Variants in NPAS2 observed in about 807,000 individuals in gnomAD.
NPAS2 encodes the protein neuronal PAS domain-containing protein 2.
Under a neutral mutation model 107.5 loss-of-function variants are expected in NPAS2, and 23 were observed. That is an observed-to-expected ratio of 0.21 (90% CI 0.15 to 0.30). The LOEUF is 0.30. NPAS2 is among the 10% of genes least tolerant of loss of function. The pLI, the probability that NPAS2 is intolerant of heterozygous loss-of-function variation, is 1.00. For synonymous variants in NPAS2, 403 were observed against 417.5 expected, an observed-to-expected ratio of 0.97 and a Z score of 0.42; for missense variants, 756 against 1,043.3, an observed-to-expected ratio of 0.72 and a Z score of 3.79.
At chr2:100,935,724 C>T (rs545970387) in intron 4 of NPAS2, among the ~76,000 whole-genome samples, 1 of 152,308 alleles carries the variant, frequency 6.6e-6, no homozygotes, top group South Asian at 2.1e-4. Flanking sequence ...AAAAGTCTCA[C>T]TGATGTCATC....
At chr2:100,978,563 T>G (rs976125467) in intron 15 of NPAS2, among the ~76,000 whole-genome samples, 26 of 152,126 alleles carry the variant, frequency 1.7e-4, no homozygotes, top group Non-Finnish European at 2.9e-5. Flanking sequence ...AAGAAAAGGA[T>G]TACGGCTTTG....
chr2:100,863,665 G>A (rs1215186837), intron 1 of NPAS2, among the ~76,000 whole-genome samples: 2 of 152,172 alleles, frequency 1.3e-5, no homozygotes, highest in Non-Finnish European at 2.9e-5. Flanking sequence ...AAATGCTAAC[G>A]AGTTGCATCC....
chr2:100,852,597 T>G (rs901072013), intron 1 of NPAS2, among the ~76,000 whole-genome samples: 2 of 152,014 alleles, frequency 1.3e-5, no homozygotes, highest in Non-Finnish European at 2.9e-5. Context: ...AAACCTGTCC[T>G]TGTCTAGCTA....
chr2:100,912,201 G>A (rs190244302), intron 2 of NPAS2, among the ~76,000 whole-genome samples: 69 of 151,118 alleles, frequency 4.6e-4, no homozygotes, highest in African/African-American at 1.5e-3. Context: ...CTTCTAGAAA[G>A]GTTCAGTTTG....
At chr2:100,862,003 A>G (rs1452758232) in intron 1 of NPAS2, among the ~76,000 whole-genome samples, 1 of 152,214 alleles carries the variant, frequency 6.6e-6, no homozygotes, top group African/African-American at 2.4e-5. Flanking sequence ...ATGTATGTCT[A>G]TATGTAGTAT....
chr2:100,892,850 T>C (rs1558846996), intron 1 of NPAS2, among the ~76,000 whole-genome samples: 3 of 152,146 alleles, frequency 2.0e-5, no homozygotes, highest in Non-Finnish European at 4.4e-5. Context: ...CTTGAGTAGC[T>C]GGGATTACAG....
chr2:100,877,330 T>A (rs1680034014), intron 1 of NPAS2, among the ~76,000 whole-genome samples: 1 of 148,928 alleles, frequency 6.7e-6, no homozygotes, highest in Non-Finnish European at 1.5e-5. Flanking sequence ...CCAGGCGTGG[T>A]GGCAGGTGCC....
chr2:100,989,717 A>C (rs959907978), intron 17 of NPAS2: 1 of 152,432 alleles, frequency 6.6e-6, no homozygotes, highest in Non-Finnish European at 1.5e-5. Context: ...TTTCTGTTCC[A>C]AGTGAGGAGA....
At chr2:100,920,752 G>A (rs147556732) in intron 2 of NPAS2, among the ~76,000 whole-genome samples, 11 of 152,324 alleles carry the variant, frequency 7.2e-5, no homozygotes, top group African/African-American at 2.6e-4. Flanking sequence ...GCTTCTCCCT[G>A]GGAACTGACA....
chr2:100,922,091 A>C (rs1241238918), intron 2 of NPAS2, among the ~76,000 whole-genome samples: 5 of 152,156 alleles, frequency 3.3e-5, no homozygotes, highest in Non-Finnish European at 7.3e-5. Flanking sequence ...GTGAAACTAC[A>C]CTACCAGCAG....
chr2:100,824,699 A>T (rs944667451), intron 1 of NPAS2, among the ~76,000 whole-genome samples: 1 of 152,178 alleles, frequency 6.6e-6, no homozygotes, highest in Non-Finnish European at 1.5e-5. Context: ...TCACCCTGAT[A>T]TTAGGAGGGG....
chr2:100,922,920 G>A (rs1027417075), intron 2 of NPAS2, among the ~76,000 whole-genome samples: 1 of 152,214 alleles, frequency 6.6e-6, no homozygotes, highest in Non-Finnish European at 1.5e-5. Flanking sequence ...GCAGTAATGA[G>A]CTGGGTGTTA....
intron 1 of NPAS2, among the ~76,000 whole-genome samples, chr2:100,897,278 G>A (rs938171263): frequency 3.9e-5 from 6 of 152,100 alleles, no homozygotes; most frequent in East Asian, 1.9e-4. Context: ...ATAGCTGGGC[G>A]AGCCATCGTG....
chr2:100,869,103 A>ATT (rs10608079), intron 1 of NPAS2, among the ~76,000 whole-genome samples: 2,351 of 147,190 alleles, frequency 0.016, 30 homozygotes, highest in African/African-American at 0.033. Flanking sequence ...TAATTTTTGT[A>ATT]TTTTTTTTTT....
chr2:100,971,824 G>A (rs2105202280), intron 12 of NPAS2, among the ~76,000 whole-genome samples: 1 of 151,648 alleles, frequency 6.6e-6, no homozygotes, highest in East Asian at 1.9e-4. Flanking sequence ...CTGTTCCTCG[G>A]AGTCCATTCT....
intron 2 of NPAS2, among the ~76,000 whole-genome samples, chr2:100,922,520 T>C (rs1317384642): frequency 6.6e-6 from 1 of 151,840 alleles, no homozygotes; most frequent in Non-Finnish European, 1.5e-5. Context: ...GAGGTGGAGG[T>C]TGTAGTGAGC....
chr2:100,866,436 T>C (rs1679261302), intron 1 of NPAS2, among the ~76,000 whole-genome samples: 1 of 152,242 alleles, frequency 6.6e-6, no homozygotes, highest in Non-Finnish European at 1.5e-5. Flanking sequence ...ATGTCCATCA[T>C]GGCATCTTTT....
At chr2:100,957,953 G>C (rs1350421642) in intron 7 of NPAS2, among the ~76,000 whole-genome samples, 1 of 152,154 alleles carries the variant, frequency 6.6e-6, no homozygotes, top group Non-Finnish European at 1.5e-5. Flanking sequence ...TTGCTTTACG[G>C]GGTCCTAATA....
intron 7 of NPAS2, among the ~76,000 whole-genome samples, chr2:100,960,676 C>T (rs1452588347): frequency 1.3e-5 from 2 of 152,018 alleles, no homozygotes; most frequent in East Asian, 1.9e-4. Flanking sequence ...TGGGCACCTC[C>T]CACAGCTGGC....
Sources: allele counts gnomAD v4.1 joint callset (sites outside exome capture counted in the v4.1 genomes callset), GRCh38; gene constraint gnomAD v4.1.1; transcripts MANE v1.5; gene names NCBI Gene and HGNC (gene_info 2026-07-23, HGNC 2026-07-21).